CELF3: variants seen among roughly 807,000 people sequenced by gnomAD.
CELF3 encodes the protein CUGBP Elav-like family member 3, also known as CAG repeat domain.
In CELF3, 26 loss-of-function variants were observed where a neutral mutation model predicts 59.6. The observed-to-expected ratio is 0.44, with a 90% CI of 0.32 to 0.61. CELF3 has a LOEUF of 0.61. Among genes scored for constraint, CELF3 ranks in the 20% least tolerant of loss-of-function variants. The pLI, the probability that CELF3 is intolerant of heterozygous loss-of-function variation, is 0.06. For missense variants in CELF3, 387 were observed against 627.2 expected (o/e 0.62, Z 4.09); for synonymous variants, 245 against 250.7 (o/e 0.98, Z 0.22).
intron 7 of CELF3, 24 bp from the exon 8 acceptor site, chr1:151,707,318 A>T: frequency 6.4e-7 from 1 of 1,564,876 alleles, no homozygotes; most frequent in South Asian, 1.2e-5. Flanking sequence ...AGCGACAGGG[A>T]GAGAGCAGAG....
Position 151,705,707 on chromosome 1 carries a change from T to C in CELF3, c.1270+115A>G, listed in dbSNP as rs553130513. ...GTGTCAAAATGGCTCTTTTGTACTC[T>C]TGGATAATCAGTATTTCAAATACTG... On this transcript the variant is annotated intron_variant, in intron 11 of 12. Transcript: ENST00000290583. The surrounding 1 kb of genome is among the most constrained non-coding windows in gnomAD (Gnocchi z 5.1). 2.5e-6 allele frequency: 3 copies of C among 1,202,478 alleles called. No individual in the cohort carries two copies. The South Asian group carries it at 4.3e-5, about 17-fold the overall frequency. The allele number at this position is 1,202,478 out of a possible 1,614,324, so 74.5% of individuals were successfully genotyped here.
rs920427246 is a variant in CELF3, at chr1:151,716,112, G to C, written c.-92C>G. Reference sequence around the variant, plus strand: ...AGCAAGGAGATAAGTGGTGGGGCCCGGGGGCCCAGCTGGGGCTGGCTTTCC... The same window carrying C: ...AGCAAGGAGATAAGTGGTGGGGCCCCGGGGCCCAGCTGGGGCTGGCTTTCC... On this transcript the variant is annotated 5_prime_UTR_variant, in exon 1 of 13. Coordinates refer to ENST00000290583, the MANE Select transcript of CELF3 (RefSeq NM_007185.7). The C allele has an allele frequency of 2.2e-6, 3 of 1,343,672 alleles. No individual in the cohort carries two copies. The highest frequency in any genetic ancestry group is 3.0e-6 in the Non-Finnish European group (3 of 999,972). 83.2% of individuals were successfully genotyped at this position (1,343,672 alleles called of 1,614,324 possible).
At position 151,709,326 on chromosome 1, in the gene CELF3, C is replaced by G; in HGVS notation, c.300G>C (p.Gly100=). The change falls in exon 4 of 13, where the codon GGG becomes GGC. Residue 100 remains glycine (G), a synonymous_variant. Coordinates refer to ENST00000290583, the MANE Select transcript of CELF3 (RefSeq NM_007185.7). This position sits in a 1 kb window ranked among gnomAD's most constrained non-coding sequence, Gnocchi z 4.9. ...CATCTGTCTGCTGCTTCCCTAGCAT[C>G]CCCACAAAGAGCTTCCGGTCTTCTG... is the stretch of plus-strand genomic sequence containing the variant. ...SRGEDRKLFV[G]MLGKQQTDED... The G allele has an allele frequency of 6.2e-7, 1 of 1,614,074 alleles. No individual in the cohort carries two copies. Among genetic ancestry groups the G allele is most frequent in the Non-Finnish European group, 8.5e-7 (1 of 1,179,964 alleles).
rs1164444592 is a variant in CELF3, at chr1:151,716,114, G to A, written c.-94C>T. On this transcript the variant is annotated 5_prime_UTR_variant, in exon 1 of 13. Transcript: ENST00000290583. ...CAAGGAGATAAGTGGTGGGGCCCGG[G>A]GGCCCAGCTGGGGCTGGCTTTCCCT... is the stretch of plus-strand genomic sequence containing the variant. 4 of 1,335,816 alleles carry A rather than the reference G, an allele frequency of 3.0e-6. No homozygotes were observed. Among genetic ancestry groups the A allele is most frequent in the Non-Finnish European group, 4.0e-6 (4 of 994,964 alleles). 82.7% of individuals were successfully genotyped at this position (1,335,816 alleles called of 1,614,324 possible). A position where few individuals can be genotyped will look rare whatever the true frequency, so the allele number is the denominator to read the frequency against.
At chr1:151,704,092 C>A (rs896811717) in intron 12 of CELF3, among the ~76,000 whole-genome samples, 4 of 152,102 alleles carry the variant, frequency 2.6e-5, no homozygotes, top group African/African-American at 7.2e-5. Flanking sequence ...AACAAACAAT[C>A]GGCTCCAAAG....
rs112286620 is a variant in CELF3, at chr1:151,708,820, G to A, written c.486+178C>T. Among the ~76,000 whole-genome samples, 70 of 152,132 alleles carry A rather than the reference G, an allele frequency of 4.6e-4. 1 individual carries two copies. In the South Asian group the frequency reaches 5.0e-3, roughly 11 times the overall value. On this transcript the variant is annotated intron_variant, in intron 5 of 12. Transcript: ENST00000290583. ...TGGGGAATAGGGGAGGAGTGGGGAG[G>A]TGGGGAAGTGCCATTTGAAATGTGA... is the stretch of plus-strand genomic sequence containing the variant.
rs1671998676 is a variant in CELF3, at chr1:151,700,420, G to T, written c.*3039C>A. On this transcript the variant is annotated 3_prime_UTR_variant, in exon 13 of 13. Coordinates refer to ENST00000290583, the MANE Select transcript of CELF3 (RefSeq NM_007185.7). ...ACACTGTAGTAACTGGGAATGAAAA[G>T]ACATGGGAGAAAAGGGACCAAACTT... is the stretch of plus-strand genomic sequence containing the variant. Among the ~76,000 whole-genome samples the T allele has an allele frequency of 6.6e-6, 1 of 152,212 alleles. No individual in the cohort carries two copies. Among genetic ancestry groups the T allele is most frequent in the Admixed American group, 6.5e-5 (1 of 15,284 alleles).
At chr1:151,715,536 A>C (rs1673405327) in intron 1 of CELF3, 2 of 1,065,454 alleles carry the variant, frequency 1.9e-6, no homozygotes, top group Admixed American at 4.5e-5. Flanking sequence ...ACACACACAC[A>C]CCCCTACCCA....
At position 151,701,353 on chromosome 1, in the gene CELF3, G is replaced by T. The variant is rs1004692675; in HGVS notation, c.*2106C>A. Among the ~76,000 whole-genome samples the T allele has an allele frequency of 6.6e-6, 1 of 152,178 alleles. No homozygotes were observed. Among genetic ancestry groups the T allele is most frequent in the African/African-American group, 2.4e-5 (1 of 41,452 alleles). ...AAGACACCTGTGTGATCCTGAGCCT[G>T]CCCTAAAGCAGCTCACAGAGAAGAA... On this transcript the variant is annotated 3_prime_UTR_variant, in exon 13 of 13. Transcript: ENST00000290583.
intron 5 of CELF3, chr1:151,708,217 G>A (rs1283933226): frequency 2.6e-6 from 1 of 379,354 alleles, no homozygotes; most frequent in Non-Finnish European, 4.7e-6. Context: ...ACTCTGTGAG[G>A]ACTCTGAACT....
rs1197903038 is a variant in CELF3, at chr1:151,709,964, A to C, written c.229-173T>G. 1 of 660,490 alleles carries C rather than the reference A, an allele frequency of 1.5e-6. No individual in the cohort carries two copies. The highest frequency in any genetic ancestry group is 2.6e-5 in the East Asian group (1 of 37,776). 40.9% of individuals were successfully genotyped at this position (660,490 alleles called of 1,614,324 possible). ...TTCAGGATGAAGGCCTGAGGGGATC[A>C]GAGGCACAGAGAGAGAGGATGTAGA... On this transcript the variant is annotated intron_variant, in intron 2 of 12. Transcript: ENST00000290583. This position sits in a 1 kb window ranked among gnomAD's most constrained non-coding sequence, Gnocchi z 4.9.
chr1:151,702,989 G>A lies in CELF3; in HGVS notation c.*470C>T. Reference sequence around the variant, plus strand: ...ATCCTACCTCTAGCTGAGGGTGGAGGGGAGTGAGAGCCAGCTTCCAAGAAA... The same window carrying A: ...ATCCTACCTCTAGCTGAGGGTGGAGAGGAGTGAGAGCCAGCTTCCAAGAAA... On this transcript the variant is annotated 3_prime_UTR_variant, in exon 13 of 13. Coordinates refer to ENST00000290583, the MANE Select transcript of CELF3 (RefSeq NM_007185.7). 1 of 353,228 alleles carries A rather than the reference G, an allele frequency of 2.8e-6. No homozygotes were observed. The highest frequency in any genetic ancestry group is 5.6e-6 in the Non-Finnish European group (1 of 177,504). The allele number at this position is 353,228 out of a possible 1,614,324, so 21.9% of individuals were successfully genotyped here. A position where few individuals can be genotyped will look rare whatever the true frequency, so the allele number is the denominator to read the frequency against.
At chr1:151,710,311 C>G (rs867849328) in intron 2 of CELF3, 9 of 264,672 alleles carry the variant, frequency 3.4e-5, no homozygotes, top group Non-Finnish European at 6.0e-5. Flanking sequence ...GGGGAAGGCA[C>G]TCGGGCAGCA....
intron 9 of CELF3, 67 bp from the exon 10 acceptor site, chr1:151,706,428 T>C: frequency 6.8e-7 from 1 of 1,462,036 alleles, no homozygotes. Flanking sequence ...CAGCCAACCC[T>C]GTCTCCCTTC....
rs1037220582 is a variant in CELF3 at position 151,709,427 on chromosome 1, G to C, written c.278-79C>G. The stretch of plus-strand genomic sequence containing the variant: ...CCAGCCCTTCTTCCGCCCTTCCCTG[G>C]AGCTCCTAACACTACTTCTGCTACC... On this transcript the variant is annotated intron_variant, in intron 3 of 12. Transcript: ENST00000290583. The surrounding 1 kb of genome is among the most constrained non-coding windows in gnomAD (Gnocchi z 4.9). 8 of 1,593,326 alleles carry C rather than the reference G, an allele frequency of 5.0e-6. No homozygotes were observed. The highest frequency in any genetic ancestry group is 3.4e-5 in the Admixed American group (2 of 59,662).
At chr1:151,706,524 A>G in intron 9 of CELF3, 145 bp downstream of exon 9, 1 of 1,176,974 alleles carries the variant, frequency 8.5e-7, no homozygotes, top group East Asian at 2.6e-5. Flanking sequence ...CTGCCCTTAA[A>G]GACCCCTCCC....
chr1:151,710,458 A>G (rs1672922472), intron 2 of CELF3: 1 of 322,710 alleles, frequency 3.1e-6, no homozygotes, highest in African/African-American at 2.3e-5. Flanking sequence ...CCACACACCC[A>G]GAGAAGGAGT....
chr1:151,713,141 C>G (rs1331645667), intron 2 of CELF3, among the ~76,000 whole-genome samples: 1 of 152,182 alleles, frequency 6.6e-6, no homozygotes, highest in Non-Finnish European at 1.5e-5. Context: ...TGGATTCTGT[C>G]CCCTGGGACA....
Position 151,701,540 on chromosome 1 carries a change from C to T in CELF3, c.*1919G>A, listed in dbSNP as rs1672076685. Among the ~76,000 whole-genome samples, 1 of 152,148 alleles carries T rather than the reference C, an allele frequency of 6.6e-6. No homozygotes were observed. Among genetic ancestry groups the T allele is most frequent in the Non-Finnish European group, 1.5e-5 (1 of 68,018 alleles). On this transcript the variant is annotated 3_prime_UTR_variant, in exon 13 of 13. Transcript: ENST00000290583. ...GAATCTGACAAACTGGGTTCAACTC[C>T]TACAGCCATGCCTTACTGGCTTTGT...
Sources: gnomAD v4.1 joint callset for allele counts (sites outside exome capture counted in the v4.1 genomes callset) on GRCh38, gnomAD v4.1.1 for gene constraint, Gnocchi (gnomAD v3.1) non-coding constraint, MANE v1.5 for transcripts, NCBI Gene and HGNC (gene_info 2026-07-23, HGNC 2026-07-21) for gene names.